The following TENM4 variants were observed in gnomAD, a reference collection of about 807,000 sequenced individuals.
TENM4 encodes the protein teneurin transmembrane protein 4.
A neutral mutation model predicts 243.3 loss-of-function variants in TENM4; 82 were observed. The ratio of observed to expected loss-of-function variants is 0.34; its 90% confidence interval spans 0.28 to 0.40. TENM4 has a LOEUF of 0.40. Ranked by LOEUF, TENM4 falls within the 10% of genes least tolerant of loss-of-function variation. The probability of loss-of-function intolerance (pLI) is 1.00; values close to 1 mark genes in which losing one functional copy is unlikely to be tolerated. For missense variants in TENM4, 3,138 were observed against 3,673.3 expected, an observed-to-expected ratio of 0.85 and a Z score of 3.77; for synonymous variants, 1,412 against 1,456.3, an observed-to-expected ratio of 0.97 and a Z score of 0.69.
At chr11:78,795,584 G>T (rs772930838) in intron 15 of TENM4, among the ~76,000 whole-genome samples, 40 of 152,064 alleles carry the variant, frequency 2.6e-4, no homozygotes, top group Non-Finnish European at 1.2e-4. Flanking sequence ...ATAGGCCTAG[G>T]GGCTGAGGAT....
At chr11:79,002,946 A>G (rs1187065521) in intron 6 of TENM4, among the ~76,000 whole-genome samples, 1 of 152,240 alleles carries the variant, frequency 6.6e-6, no homozygotes, top group Non-Finnish European at 1.5e-5. Context: ...ATTTTAAGAA[A>G]GAACCAAACT....
intron 4 of TENM4, among the ~76,000 whole-genome samples, chr11:79,124,265 G>A (rs376068975): frequency 6.6e-6 from 1 of 152,110 alleles, no homozygotes; most frequent in Non-Finnish European, 1.5e-5. Flanking sequence ...TTATTCCTGG[G>A]TGTGTGTGTG....
At chr11:78,978,750 GAA>G (rs148694916) in intron 6 of TENM4, among the ~76,000 whole-genome samples, 1 of 152,150 alleles carries the variant, frequency 6.6e-6, no homozygotes, top group African/African-American at 2.4e-5. Flanking sequence ...TATCTGGAGA[GAA>G]AAGAGTTCAT....
chr11:78,833,248 C>T (rs1363959997), intron 12 of TENM4, among the ~76,000 whole-genome samples: 2 of 152,186 alleles, frequency 1.3e-5, no homozygotes, highest in Admixed American at 6.5e-5. Context: ...GAGTGCCATT[C>T]TCTCAACTCC....
In TENM4 at chr11:79,438,771, C is replaced by CA. The variant is rs1859331958; in HGVS notation, c.-321+1737dup. On this transcript the variant is annotated intron_variant, in intron 1 of 33. Coordinates refer to ENST00000278550, the MANE Select transcript of TENM4 (RefSeq NM_001098816.3). This position sits in a 1 kb window ranked among gnomAD's most constrained non-coding sequence, Gnocchi z 4.1. ...GGGAAGACTTGGAGCTCTGAAGACCCAATGAAACCTCAGTTCTGACTGACT... is the reference window on the plus strand; with the variant it reads ...GGGAAGACTTGGAGCTCTGAAGACCCAAATGAAACCTCAGTTCTGACTGACT... 6.6e-6 allele frequency among the ~76,000 whole-genome samples: 1 copy of CA among 152,194 alleles called. No homozygotes were observed.
In TENM4 at chr11:79,393,957, G is replaced by A. The variant is rs117466007; in HGVS notation, c.-321+46552C>T. Among the ~76,000 whole-genome samples, 980 of 152,266 alleles carry A rather than the reference G, an allele frequency of 6.4e-3. 9 individuals are homozygous for A. Among genetic ancestry groups the A allele is most frequent in the South Asian group, 0.018 (87 of 4,820 alleles). On this transcript the variant is annotated intron_variant, in intron 1 of 33. Coordinates refer to ENST00000278550, the MANE Select transcript of TENM4 (RefSeq NM_001098816.3). ...AGGAAGAGGGTGACACTGAAGGAGG[G>A]AGGGGAGCAGACGAGAGGGGAGAAG...
At chr11:79,271,969 A>G (rs2135346705) in intron 2 of TENM4, among the ~76,000 whole-genome samples, 1 of 152,348 alleles carries the variant, frequency 6.6e-6, no homozygotes, top group Non-Finnish European at 1.5e-5. Flanking sequence ...AAATGAGAAC[A>G]TAGATGATCT....
chr11:79,357,921 A>T (rs1422281042), intron 1 of TENM4, among the ~76,000 whole-genome samples: 1 of 152,356 alleles, frequency 6.6e-6, no homozygotes, highest in East Asian at 1.9e-4. Flanking sequence ...AATTCCTGGA[A>T]CATCAAAACA....
intron 28 of TENM4, among the ~76,000 whole-genome samples, chr11:78,692,428 C>T (rs1465162031): frequency 6.6e-6 from 1 of 152,078 alleles, no homozygotes; most frequent in East Asian, 1.9e-4. Context: ...GTTTTCTCTT[C>T]TATAAATGGG....
intron 6 of TENM4, among the ~76,000 whole-genome samples, chr11:78,958,411 C>G (rs2136519933): frequency 6.6e-6 from 1 of 152,356 alleles, no homozygotes; most frequent in East Asian, 1.9e-4. Context: ...ACTTCCTTTG[C>G]TTTTTCAACT....
At chr11:79,011,533 A>G (rs1858641777) in intron 6 of TENM4, among the ~76,000 whole-genome samples, 1 of 152,162 alleles carries the variant, frequency 6.6e-6, no homozygotes, top group Admixed American at 6.5e-5. Flanking sequence ...TTCTTGGCTT[A>G]GATGCCCAGG....
chr11:79,295,751 C>T (rs1856438832), intron 2 of TENM4, among the ~76,000 whole-genome samples: 1 of 152,092 alleles, frequency 6.6e-6, no homozygotes, highest in African/African-American at 2.4e-5. Flanking sequence ...GAGCTGTGAT[C>T]TGAGCCAAGA....
At chr11:79,169,488 C>CTAA in intron 3 of TENM4, among the ~76,000 whole-genome samples, 2 of 152,142 alleles carry the variant, frequency 1.3e-5, no homozygotes, top group Non-Finnish European at 2.9e-5. Context: ...TCCTCTTCCC[C>CTAA]CAAGCTGCCT....
chr11:78,736,739 T>C (rs555457926), intron 20 of TENM4, among the ~76,000 whole-genome samples: 3 of 152,318 alleles, frequency 2.0e-5, no homozygotes, highest in South Asian at 2.1e-4. Context: ...AAGAGAACAA[T>C]TGATAACTTT....
chr11:79,044,419 C>T (rs931321519), intron 6 of TENM4, among the ~76,000 whole-genome samples: 2 of 152,134 alleles, frequency 1.3e-5, no homozygotes, highest in Non-Finnish European at 1.5e-5. Flanking sequence ...TAGGGTGGGG[C>T]GCATAGGAGG....
intron 2 of TENM4, among the ~76,000 whole-genome samples, chr11:79,231,397 T>G (rs1043185097): frequency 4.0e-5 from 6 of 151,132 alleles, no homozygotes; most frequent in Non-Finnish European, 7.4e-5. Context: ...TTTTTTTTTT[T>G]AATTTAAAGG....
At chr11:79,053,464 G>A (rs1488896805) in intron 6 of TENM4, among the ~76,000 whole-genome samples, 3 of 152,188 alleles carry the variant, frequency 2.0e-5, no homozygotes, top group Non-Finnish European at 4.4e-5. Context: ...CTGAACCCTT[G>A]AGCCAGCAAT....
chr11:79,435,501 A>T (rs915268353), intron 1 of TENM4, among the ~76,000 whole-genome samples: 1 of 152,256 alleles, frequency 6.6e-6, no homozygotes, highest in Admixed American at 6.5e-5. Flanking sequence ...CCTTAGATCT[A>T]GAATTGACAT....
intron 31 of TENM4, 61 bp downstream of exon 31, chr11:78,671,972 G>A (rs1418559890): frequency 6.5e-7 from 1 of 1,545,002 alleles, no homozygotes; most frequent in Admixed American, 1.8e-5. Context: ...GGCTGGGCTT[G>A]GCCGTGAATG....
Sources: gnomAD v4.1 joint callset for allele counts (sites outside exome capture counted in the v4.1 genomes callset) on GRCh38, gnomAD v4.1.1 for gene constraint, Gnocchi (gnomAD v3.1) non-coding constraint, MANE v1.5 for transcripts, NCBI Gene and HGNC (gene_info 2026-07-23, HGNC 2026-07-21) for gene names.